The following PRORP variants were observed in gnomAD, a reference collection of about 807,000 sequenced individuals.
PRORP encodes the protein protein only RNase P catalytic subunit.
A neutral mutation model predicts 59.4 loss-of-function variants in PRORP; 51 were observed. That is an observed-to-expected ratio of 0.86 (90% CI 0.69 to 1.08). PRORP has a LOEUF of 1.08. Ranked by LOEUF, PRORP falls within the 50% of genes least tolerant of loss-of-function variation. PRORP has a pLI of 0.00. For synonymous variants in PRORP, 231 were observed against 245.6 expected, an observed-to-expected ratio of 0.94 and a Z score of 0.55; for missense variants, 646 against 690.3, an observed-to-expected ratio of 0.94 and a Z score of 0.72.
rs1233881399 is a variant in PRORP, at chr14:35,180,801, A to G, written c.1275+24A>G. 2.9e-6 allele frequency: 4 copies of G among 1,388,448 alleles called. 1 individual carries two copies. The Admixed American group carries it at 6.8e-5, about 24-fold the overall frequency. The allele number at this position is 1,388,448 out of a possible 1,614,324, so 86.0% of individuals were successfully genotyped here. On this transcript the variant is annotated intron_variant, in intron 5 of 7. Transcript: ENST00000534898. ...TTGTAAGTATAAGTTTTACTTTGTT[A>G]TTCCACATCTCTAGAAATATTTATT...
chr14:35,213,289 G>C (rs1190161311), intron 5 of PRORP, among the ~76,000 whole-genome samples: 1 of 152,056 alleles, frequency 6.6e-6, no homozygotes, highest in African/African-American at 2.4e-5. Context: ...AACTTTTCCT[G>C]GTTGGGCACG....
chr14:35,137,351 A>G lies in PRORP; in HGVS notation c.1167+9740A>G, dbSNP rs1254490809. 1.4e-5 allele frequency among the ~76,000 whole-genome samples: 2 copies of G among 145,460 alleles called. 1 individual carries two copies. The highest frequency in any genetic ancestry group is 3.1e-5 in the Non-Finnish European group (2 of 65,536). ...GTAAAAGTAGCAGGGGTTGCCAAAAAGAGCACAAATGTGGAGGTTGGAAAT... is the reference window on the plus strand; with the variant it reads ...GTAAAAGTAGCAGGGGTTGCCAAAAGGAGCACAAATGTGGAGGTTGGAAAT... On this transcript the variant is annotated intron_variant, in intron 4 of 7. Transcript: ENST00000534898.
intron 4 of PRORP, among the ~76,000 whole-genome samples, chr14:35,153,081 T>C (rs1595198343): frequency 6.6e-6 from 1 of 152,214 alleles, no homozygotes; most frequent in Non-Finnish European, 1.5e-5. Flanking sequence ...ATCACGCCAC[T>C]GCACTCCAGC....
At chr14:35,184,495 T>C (rs1411979733) in intron 5 of PRORP, among the ~76,000 whole-genome samples, 2 of 152,184 alleles carry the variant, frequency 1.3e-5, no homozygotes, top group East Asian at 3.8e-4. Flanking sequence ...ACTGTTACAC[T>C]GTTTAATTTT....
chr14:35,122,124 T>A (rs535842502), upstream of PRORP: 4 of 630,608 alleles, frequency 6.3e-6, no homozygotes, highest in Non-Finnish European at 1.1e-5. Flanking sequence ...AAACAATTAC[T>A]GTCACTGCCG....
At chr14:35,187,614 G>A (rs936503249) in intron 5 of PRORP, among the ~76,000 whole-genome samples, 9 of 151,544 alleles carry the variant, frequency 5.9e-5, no homozygotes, top group Admixed American at 4.6e-4. Context: ...ATTTTTAGTA[G>A]AGACGGGTTT....
In PRORP at chr14:35,272,167, G is replaced by A. The variant is rs191221136; in HGVS notation, c.1621-1268G>A. 1.6e-3 allele frequency among the ~76,000 whole-genome samples: 237 copies of A among 152,254 alleles called. 2 individuals carry two copies. The highest frequency in any genetic ancestry group is 5.6e-3 in the African/African-American group (232 of 41,554). The stretch of plus-strand genomic sequence containing the variant: ...GTTGTATCATTGAAAATTGCTAAGA[G>A]TAGATTTTAAATGTTCTCACCACAA... On this transcript the variant is annotated intron_variant, in intron 7 of 7. Transcript: ENST00000534898.
intron 5 of PRORP, among the ~76,000 whole-genome samples, chr14:35,202,807 A>AT (rs1356077248): frequency 7.2e-5 from 11 of 151,822 alleles, no homozygotes; most frequent in South Asian, 2.1e-4. Context: ...TTAAAAAAAA[A>AT]TTTTTTTGTA....
chr14:35,169,758 A>G lies in PRORP; in HGVS notation c.1168-10912A>G, dbSNP rs567988819. Among the ~76,000 whole-genome samples the G allele has an allele frequency of 7.7e-4, 118 of 152,320 alleles. 1 individual carries two copies. The South Asian group carries it at 0.022, about 28-fold the overall frequency. On this transcript the variant is annotated intron_variant, in intron 4 of 7. Coordinates refer to ENST00000534898, the MANE Select transcript of PRORP (RefSeq NM_014672.4). ...GGGGACACAAAGCCAAACCATATCAATGGCCTACTTGTGGTCTGTCTTAGT... is the reference window on the plus strand; with the variant it reads ...GGGGACACAAAGCCAAACCATATCAGTGGCCTACTTGTGGTCTGTCTTAGT...
At position 35,123,434 on chromosome 14, in the gene PRORP, C is replaced by A; in HGVS notation, c.189C>A (p.Ala63=). The A allele has an allele frequency of 6.2e-7, 1 of 1,614,148 alleles. No homozygotes were observed. The highest frequency in any genetic ancestry group is 1.3e-5 in the African/African-American group (1 of 75,050). ...ATACCAAAGCAACGAATCTGATTGCCAAGGCCAGATATCTCAGGAAAGATG... is the reference window on the plus strand; with the variant it reads ...ATACCAAAGCAACGAATCTGATTGCAAAGGCCAGATATCTCAGGAAAGATG... The part of the protein sequence containing the change: ...PQNTKATNLI[A]KARYLRKDEG... The change falls in exon 2 of 8, where the codon GCC becomes GCA. Residue 63 remains alanine (A), a synonymous_variant. Transcript: ENST00000534898.
intron 4 of PRORP, among the ~76,000 whole-genome samples, chr14:35,152,184 A>G (rs1041214864): frequency 6.6e-6 from 1 of 152,120 alleles, no homozygotes; most frequent in Non-Finnish European, 1.5e-5. Context: ...CACATCTTGC[A>G]CCGCCCTTAA....
chr14:35,194,107 G>A (rs1462811849), intron 5 of PRORP, among the ~76,000 whole-genome samples: 2 of 152,158 alleles, frequency 1.3e-5, no homozygotes, highest in Non-Finnish European at 2.9e-5. Context: ...AGGGAGAAGA[G>A]AGAGACTGCT....
At position 35,219,764 on chromosome 14, in the gene PRORP, A is replaced by G. The variant is rs534450111; in HGVS notation, c.1275+38987A>G. ...TGCTTGTATCAAAATACACCTCTCTATTGTCTAGAGAGTAGAGGTGTCAGT... is the reference window on the plus strand; with the variant it reads ...TGCTTGTATCAAAATACACCTCTCTGTTGTCTAGAGAGTAGAGGTGTCAGT... On this transcript the variant is annotated intron_variant, in intron 5 of 7. Coordinates refer to ENST00000534898, the MANE Select transcript of PRORP (RefSeq NM_014672.4). 9.9e-5 allele frequency among the ~76,000 whole-genome samples: 15 copies of G among 152,228 alleles called. No individual in the cohort carries two copies. In the South Asian group the frequency reaches 1.5e-3, roughly 15 times the overall value.
chr14:35,189,604 G>C (rs2048832146), intron 5 of PRORP, among the ~76,000 whole-genome samples: 1 of 152,004 alleles, frequency 6.6e-6, no homozygotes, highest in African/African-American at 2.4e-5. Flanking sequence ...TAAGCTGTGA[G>C]GATATGACCA....
At chr14:35,187,020 A>G (rs2048759402) in intron 5 of PRORP, among the ~76,000 whole-genome samples, 1 of 152,146 alleles carries the variant, frequency 6.6e-6, no homozygotes, top group African/African-American at 2.4e-5. Context: ...ATCGTGTTCC[A>G]TTGTATGGAT....
At chr14:35,262,375 T>C (rs2050928085) in intron 5 of PRORP, 1 of 320,012 alleles carries the variant, frequency 3.1e-6, no homozygotes. Flanking sequence ...TTGCCTTTTA[T>C]TACTAGCCCA....
At chr14:35,176,185 G>A (rs1243866908) in intron 4 of PRORP, among the ~76,000 whole-genome samples, 3 of 152,150 alleles carry the variant, frequency 2.0e-5, no homozygotes, top group Admixed American at 6.5e-5. Flanking sequence ...GATGCCTCCA[G>A]CTTTGTTCTT....
chr14:35,275,875 A>G lies in PRORP; in HGVS notation c.*2309A>G, dbSNP rs112733905. 8,773 of 151,942 alleles carry G rather than the reference A, an allele frequency of 0.058. 333 individuals carry two copies. Among genetic ancestry groups the G allele is most frequent in the Middle Eastern group, 0.11 (33 of 288 alleles). The allele number at this position is 151,942 out of a possible 1,614,324, so 9.4% of individuals were successfully genotyped here. A position where few individuals can be genotyped will look rare whatever the true frequency, so the allele number is the denominator to read the frequency against. On this transcript the variant is annotated 3_prime_UTR_variant, in exon 8 of 8. Coordinates refer to ENST00000534898, the MANE Select transcript of PRORP (RefSeq NM_014672.4). ...GAGCAGGAGTAACCTTAGAGCATGT[A>G]AAGTCCATTTTGGAGATGAGGAACA...
At chr14:35,207,856 T>C (rs1265558786) in intron 5 of PRORP, among the ~76,000 whole-genome samples, 3 of 152,208 alleles carry the variant, frequency 2.0e-5, no homozygotes, top group Admixed American at 1.3e-4. Context: ...TACTGACTTA[T>C]ATAAGATGTA....
Sources: allele counts gnomAD v4.1 joint callset (sites outside exome capture counted in the v4.1 genomes callset), GRCh38; gene constraint gnomAD v4.1.1; transcripts MANE v1.5; gene names NCBI Gene and HGNC (gene_info 2026-07-23, HGNC 2026-07-21).